The following DPYD variants were observed in gnomAD, a reference collection of about 807,000 sequenced individuals.
DPYD encodes the protein dihydropyrimidine dehydrogenase.
Under a neutral mutation model 116.2 loss-of-function variants are expected in DPYD, and 109 were observed. The ratio of observed to expected loss-of-function variants is 0.94; its 90% CI spans 0.80 to 1.10. DPYD has a LOEUF of 1.10. DPYD is among the 50% of genes least tolerant of loss of function. DPYD has a pLI of 0.00. For synonymous variants in DPYD, 440 were observed against 432.0 expected, an observed-to-expected ratio of 1.02 and a Z score of -0.23; for missense variants, 1,302 against 1,254.5, an observed-to-expected ratio of 1.04 and a Z score of -0.57.
chr1:97,323,340 A>ATACATGTGTATATGTACACGTATG (rs1668443895), intron 16 of DPYD, among the ~76,000 whole-genome samples: 1 of 84,660 alleles, frequency 1.2e-5, no homozygotes, highest in African/African-American at 4.5e-5. Flanking sequence ...GTACACGTAT[A>ATACATGTGTATATGTACACGTATG]TATACATGTG....
At chr1:97,806,346 T>C (rs1387530278) in intron 3 of DPYD, among the ~76,000 whole-genome samples, 2 of 151,902 alleles carry the variant, frequency 1.3e-5, no homozygotes, top group African/African-American at 4.8e-5. Flanking sequence ...ATATTCATCA[T>C]ACAAGTGGGT....
intron 16 of DPYD, among the ~76,000 whole-genome samples, chr1:97,339,969 C>A (rs77856862): frequency 0.031 from 4,650 of 152,124 alleles, 238 homozygotes; most frequent in African/African-American, 0.11. Flanking sequence ...GTAAAATGGG[C>A]AAGTAGGCTG....
At chr1:97,676,239 G>A (rs912636524) in intron 8 of DPYD, among the ~76,000 whole-genome samples, 1 of 152,036 alleles carries the variant, frequency 6.6e-6, no homozygotes, top group African/African-American at 2.4e-5. Flanking sequence ...GATTCTAGAC[G>A]TTTGATGGGG....
At chr1:97,158,472 G>GACACACACACAC (rs58771302) in intron 20 of DPYD, among the ~76,000 whole-genome samples, 5,076 of 112,008 alleles carry the variant, frequency 0.045, 349 homozygotes, top group Non-Finnish European at 0.062. Flanking sequence ...TAACTCACCA[G>GACACACACACAC]ACACACACAC....
At chr1:97,214,151 T>C (rs933306193) in intron 19 of DPYD, among the ~76,000 whole-genome samples, 16 of 152,134 alleles carry the variant, frequency 1.1e-4, no homozygotes, top group East Asian at 5.8e-4. Context: ...GGGGTACCAA[T>C]AGAATTCCCT....
chr1:97,637,366 A>T (rs1332908312), intron 8 of DPYD, among the ~76,000 whole-genome samples: 3 of 152,106 alleles, frequency 2.0e-5, no homozygotes, highest in Admixed American at 2.0e-4. Context: ...TTAACCATTT[A>T]TCCAGCTACC....
At chr1:97,103,114 T>C (rs1187467689) in intron 20 of DPYD, among the ~76,000 whole-genome samples, 2 of 152,076 alleles carry the variant, frequency 1.3e-5, no homozygotes, top group African/African-American at 4.8e-5. Flanking sequence ...CCAGGTAAAG[T>C]TCCTAACTCA....
intron 13 of DPYD, among the ~76,000 whole-genome samples, chr1:97,466,946 G>T (rs901927888): frequency 1.3e-5 from 2 of 152,158 alleles, no homozygotes; most frequent in Non-Finnish European, 2.9e-5. Context: ...GCAGTGGGGG[G>T]TGGAGGGTGG....
chr1:97,096,414 C>T (rs1325950977), intron 21 of DPYD, among the ~76,000 whole-genome samples: 1 of 151,960 alleles, frequency 6.6e-6, no homozygotes, highest in Non-Finnish European at 1.5e-5. Context: ...GGAAAAGATG[C>T]CTAGAGATGG....
chr1:97,430,692 G>T (rs1675127163), intron 14 of DPYD, among the ~76,000 whole-genome samples: 1 of 152,118 alleles, frequency 6.6e-6, no homozygotes, highest in African/African-American at 2.4e-5. Flanking sequence ...CTTGGCCCTA[G>T]GAACACTGCG....
intron 18 of DPYD, among the ~76,000 whole-genome samples, chr1:97,271,314 G>C (rs1234778697): frequency 6.6e-6 from 1 of 152,128 alleles, no homozygotes; most frequent in African/African-American, 2.4e-5. Context: ...GTAGTGTAGA[G>C]AATGGACAGA....
intron 20 of DPYD, among the ~76,000 whole-genome samples, chr1:97,173,260 A>G (rs1656901210): frequency 2.0e-5 from 3 of 148,326 alleles, no homozygotes; most frequent in South Asian, 4.2e-4. Flanking sequence ...ATATATGCAC[A>G]CATATGTACA....
At chr1:97,828,290 C>A (rs1669346813) in intron 2 of DPYD, 94 bp from the exon 3 acceptor site, 4 of 1,133,144 alleles carry the variant, frequency 3.5e-6, no homozygotes, top group Non-Finnish European at 3.9e-6. Context: ...TTATATTGAT[C>A]ATGGACTCAT....
intron 2 of DPYD, among the ~76,000 whole-genome samples, chr1:97,854,048 T>G (rs1460865576): frequency 6.6e-6 from 1 of 152,216 alleles, no homozygotes; most frequent in African/African-American, 2.4e-5. Flanking sequence ...TATTGTTAAC[T>G]CTTCAGAATA....
At chr1:97,776,972 G>C (rs1666442327) in intron 3 of DPYD, among the ~76,000 whole-genome samples, 1 of 152,258 alleles carries the variant, frequency 6.6e-6, no homozygotes, top group South Asian at 2.1e-4. Flanking sequence ...ACAAACGTGA[G>C]TTTTAATTAA....
chr1:97,602,471 GAATTT>G (rs1355677756), intron 8 of DPYD, among the ~76,000 whole-genome samples: 1 of 151,936 alleles, frequency 6.6e-6, no homozygotes, highest in East Asian at 1.9e-4. Flanking sequence ...GAAATGAATT[GAATTT>G]GAGTGGTTGA....
chr1:97,593,657 A>T (rs182610907), intron 9 of DPYD, among the ~76,000 whole-genome samples: 1 of 152,322 alleles, frequency 6.6e-6, no homozygotes, highest in African/African-American at 2.4e-5. Flanking sequence ...AGGTCATAAC[A>T]GACTGGAATC....
At chr1:97,615,514 C>T (rs1481452658) in intron 8 of DPYD, among the ~76,000 whole-genome samples, 3 of 152,126 alleles carry the variant, frequency 2.0e-5, no homozygotes, top group African/African-American at 4.8e-5. Flanking sequence ...ACTCCCTCTC[C>T]ATCAAACTTC....
chr1:97,175,856 G>A (rs1931071), intron 20 of DPYD, among the ~76,000 whole-genome samples: 7,115 of 152,196 alleles, frequency 0.047, 497 homozygotes, highest in African/African-American at 0.16. Flanking sequence ...TAAATACAGT[G>A]CAAATCAATT....
Sources: gnomAD v4.1 joint callset for allele counts (sites outside exome capture counted in the v4.1 genomes callset) on GRCh38, gnomAD v4.1.1 for gene constraint, MANE v1.5 for transcripts, NCBI Gene and HGNC (gene_info 2026-07-23, HGNC 2026-07-21) for gene names.